Variants in DLGAP2 observed in about 807,000 individuals in gnomAD.
The protein encoded by DLGAP2 is DLG associated protein 2.
A neutral mutation model predicts 100.3 loss-of-function variants in DLGAP2; 26 were observed. The ratio of observed to expected loss-of-function variants is 0.26; its 90% CI spans 0.19 to 0.36. The LOEUF (loss-of-function observed/expected upper bound fraction) is 0.36, where lower values mean the gene tolerates loss of function less well. Among genes scored for constraint, DLGAP2 ranks in the 10% least tolerant of loss-of-function variants. The pLI is 1.00. For synonymous variants in DLGAP2, 886 were observed against 630.1 expected (o/e 1.41, Z -6.08); for missense variants, 1,858 against 1,453.2 (o/e 1.28, Z -4.53).
chr8:841,887 T>C (rs1045365676), intron 1 of DLGAP2, among the ~76,000 whole-genome samples: 1 of 152,196 alleles, frequency 6.6e-6, no homozygotes, highest in African/African-American at 2.4e-5. Flanking sequence ...GTATCCTGAT[T>C]CTCGAGAGCA....
At chr8:1,020,829 C>A (rs1427470505) in intron 2 of DLGAP2, among the ~76,000 whole-genome samples, 1 of 152,212 alleles carries the variant, frequency 6.6e-6, no homozygotes, top group Non-Finnish European at 1.5e-5. Flanking sequence ...GCTCCAGAGA[C>A]TGAACAGTCT....
At chr8:1,200,809 T>G (rs1191556142) in intron 2 of DLGAP2, among the ~76,000 whole-genome samples, 1 of 152,194 alleles carries the variant, frequency 6.6e-6, no homozygotes, top group Non-Finnish European at 1.5e-5. Flanking sequence ...TCTGAGAGAA[T>G]GGAGAGTGGC....
chr8:1,493,499 G>T (rs1433670405), intron 3 of DLGAP2, among the ~76,000 whole-genome samples: 4 of 152,246 alleles, frequency 2.6e-5, no homozygotes, highest in African/African-American at 9.6e-5. Context: ...GAATGGGACA[G>T]TTAGAGGGAC....
intron 5 of DLGAP2, among the ~76,000 whole-genome samples, chr8:1,560,393 A>G (rs1483502854): frequency 1.3e-5 from 2 of 152,090 alleles, no homozygotes; most frequent in Admixed American, 6.6e-5. Context: ...CTAAATACAC[A>G]TTCTGGAATA....
chr8:1,620,572 C>G (rs1047815751), intron 6 of DLGAP2: 1 of 152,388 alleles, frequency 6.6e-6, no homozygotes, highest in African/African-American at 2.4e-5. Flanking sequence ...GTTTTTCTTC[C>G]TATCATAGAT....
chr8:1,453,273 G>A (rs1168223506), intron 3 of DLGAP2, among the ~76,000 whole-genome samples: 3 of 152,182 alleles, frequency 2.0e-5, no homozygotes, highest in Non-Finnish European at 2.9e-5. Context: ...AGGCTGGGGA[G>A]AAGCAGGAGG....
intron 4 of DLGAP2, among the ~76,000 whole-genome samples, chr8:1,516,571 G>C (rs1167003651): frequency 1.3e-5 from 2 of 150,996 alleles, no homozygotes; most frequent in African/African-American, 4.9e-5. Flanking sequence ...GAGGGAGGGA[G>C]GGCGTGAATG....
intron 1 of DLGAP2, among the ~76,000 whole-genome samples, chr8:779,938 A>G (rs1821642263): frequency 6.6e-6 from 1 of 152,182 alleles, no homozygotes; most frequent in Non-Finnish European, 1.5e-5. Flanking sequence ...CTATGTATAC[A>G]CTGGGGAAAG....
intron 5 of DLGAP2, among the ~76,000 whole-genome samples, chr8:1,564,177 C>G (rs993281371): frequency 2.6e-5 from 4 of 152,154 alleles, no homozygotes; most frequent in Admixed American, 1.3e-4. Flanking sequence ...ATGGAGTGAA[C>G]TTTACCCAGA....
intron 1 of DLGAP2, among the ~76,000 whole-genome samples, chr8:828,406 G>A (rs1046592740): frequency 5.3e-5 from 8 of 152,166 alleles, no homozygotes; most frequent in Non-Finnish European, 1.2e-4. Flanking sequence ...GGAATTCAGC[G>A]ATATTTCTCC....
chr8:1,298,663 C>T (rs1162194136), intron 3 of DLGAP2, among the ~76,000 whole-genome samples: 5 of 152,140 alleles, frequency 3.3e-5, no homozygotes, highest in Non-Finnish European at 5.9e-5. Flanking sequence ...GCAGGCACCT[C>T]GGCCATGGTA....
intron 2 of DLGAP2, among the ~76,000 whole-genome samples, chr8:953,192 T>G (rs145169245): frequency 1.3e-4 from 20 of 152,004 alleles, no homozygotes; most frequent in African/African-American, 4.6e-4. Flanking sequence ...ATGTTTCTTT[T>G]TTTTCTTTTT....
At position 1,537,735 on chromosome 8, in the gene DLGAP2, AAGGAAGG is replaced by A. The variant is rs1417455989; in HGVS notation, c.173-10889_173-10883del. Among the ~76,000 whole-genome samples the A allele has an allele frequency of 1.7e-4, 9 of 52,028 alleles. No homozygotes were observed. In the East Asian group the frequency reaches 2.6e-3, roughly 15 times the overall value. The allele number at this position is 52,028 out of a possible 152,430, so 34.1% of individuals were successfully genotyped here. On this transcript the variant is annotated intron_variant, in intron 4 of 14. Coordinates refer to ENST00000637795, the MANE Select transcript of DLGAP2 (RefSeq NM_001346810.2). ...GATGGATGGATGAAAGGATGGAAGG[AAGGAAGG>A]AAGGAAGGAAGGAAGGAAGGAAGGA...
intron 6 of DLGAP2, among the ~76,000 whole-genome samples, chr8:1,568,445 G>T (rs1443478004): frequency 8.5e-6 from 1 of 117,200 alleles, no homozygotes; most frequent in Non-Finnish European, 1.7e-5. Context: ...CACTCTGCCC[G>T]TGGCCCCCGT....
intron 1 of DLGAP2, among the ~76,000 whole-genome samples, chr8:890,668 C>T (rs918503109): frequency 5.9e-5 from 9 of 152,010 alleles, no homozygotes; most frequent in Non-Finnish European, 8.8e-5. Context: ...CTCACCCACC[C>T]GGTGCCACCA....
chr8:971,564 T>A (rs1800015259), intron 2 of DLGAP2, among the ~76,000 whole-genome samples: 1 of 152,200 alleles, frequency 6.6e-6, no homozygotes, highest in African/African-American at 2.4e-5. Context: ...AAGCATGGAC[T>A]TGCTTGAGAG....
At chr8:1,132,746 A>C (rs1482556747) in intron 2 of DLGAP2, among the ~76,000 whole-genome samples, 1 of 152,194 alleles carries the variant, frequency 6.6e-6, no homozygotes, top group Non-Finnish European at 1.5e-5. Flanking sequence ...GGGTTGCAGA[A>C]GCTACAGGCA....
rs532388536 is a variant in DLGAP2, at chr8:1,377,578, G to T, written c.106+118695G>T. On this transcript the variant is annotated intron_variant, in intron 3 of 14. Coordinates refer to ENST00000637795, the MANE Select transcript of DLGAP2 (RefSeq NM_001346810.2). ...AATAAAATAAAATAAAGATGCACAG[G>T]TCTTCATATCCCAGGAAAGGTGAAG... is the stretch of plus-strand genomic sequence containing the variant. Among the ~76,000 whole-genome samples the T allele has an allele frequency of 2.6e-5, 4 of 152,276 alleles. 1 individual carries two copies. The highest frequency in any genetic ancestry group is 2.6e-4 in the Admixed American group (4 of 15,294).
At chr8:1,010,518 G>A (rs1158533339) in intron 2 of DLGAP2, among the ~76,000 whole-genome samples, 4 of 152,114 alleles carry the variant, frequency 2.6e-5, no homozygotes, top group Admixed American at 2.6e-4. Context: ...GCACACATAC[G>A]CCCACACACA....
Sources: gnomAD v4.1 joint callset for allele counts (sites outside exome capture counted in the v4.1 genomes callset) on GRCh38, gnomAD v4.1.1 for gene constraint, MANE v1.5 for transcripts, NCBI Gene and HGNC (gene_info 2026-07-23, HGNC 2026-07-21) for gene names.